Variants in ECSIT observed in about 807,000 individuals in gnomAD.
ECSIT encodes evolutionarily conserved signaling intermediate in Toll pathway, mitochondrial.
ECSIT carries 29 observed loss-of-function variants against 36.8 expected under a neutral mutation model. The observed-to-expected ratio is 0.79, with a 90% CI of 0.59 to 1.08. The LOEUF is 1.08. Ranked by LOEUF, ECSIT falls within the 50% of genes least tolerant of loss-of-function variation. ECSIT has a pLI of 0.00. For missense variants in ECSIT, 542 were observed against 581.0 expected, an observed-to-expected ratio of 0.93 and a Z score of 0.69; for synonymous variants, 231 against 234.8, an observed-to-expected ratio of 0.98 and a Z score of 0.15.
chr19:11,523,595 C>A, intron 1 of ECSIT: 1 of 964,848 alleles, frequency 1.0e-6, no homozygotes, highest in Non-Finnish European at 1.6e-6. Flanking sequence ...TGTGCTTGAT[C>A]CAACTGTGAT....
intron 7 of ECSIT, among the ~76,000 whole-genome samples, chr19:11,506,961 C>T (rs1036886434): frequency 2.0e-5 from 3 of 152,228 alleles, no homozygotes; most frequent in Non-Finnish European, 4.4e-5. Context: ...GGCCTCCTGA[C>T]CCCCCACTCA....
intron 7 of ECSIT, 49 bp from the exon 8 acceptor site, chr19:11,506,477 G>A (rs375761003): frequency 1.9e-6 from 3 of 1,567,746 alleles, no homozygotes; most frequent in East Asian, 2.3e-5. Context: ...GGGCTGCAGC[G>A]GCTAACCCAT....
In ECSIT at chr19:11,508,383, AT is replaced by A. The variant is rs34929827; in HGVS notation, c.739-336del. 3.5e-3 allele frequency among the ~76,000 whole-genome samples: 435 copies of A among 123,820 alleles called. 1 individual carries two copies. Among genetic ancestry groups the A allele is most frequent in the Middle Eastern group, 4.0e-3 (1 of 248 alleles). 81.2% of individuals were successfully genotyped at this position (123,820 alleles called of 152,430 possible). ...GGGATGATAACAGCACTTAATTCCG[AT>A]TTTTTTTTTTTTTTTAGGGATGGGG... On this transcript the variant is annotated intron_variant, in intron 4 of 7. Transcript: ENST00000270517.
At chr19:11,528,278 G>T (rs542820691) in intron 1 of ECSIT, among the ~76,000 whole-genome samples, 1 of 152,242 alleles carries the variant, frequency 6.6e-6, no homozygotes, top group Admixed American at 6.5e-5. Context: ...CGGAGACAGG[G>T]TCCTGCTCTG....
At chr19:11,508,380 C>T (rs977225143) in intron 4 of ECSIT, among the ~76,000 whole-genome samples, 1 of 119,576 alleles carries the variant, frequency 8.4e-6, no homozygotes, top group Non-Finnish European at 1.6e-5. Flanking sequence ...GCACTTAATT[C>T]CGATTTTTTT....
At chr19:11,510,941 C>G (rs961834326) in intron 4 of ECSIT, among the ~76,000 whole-genome samples, 1 of 151,920 alleles carries the variant, frequency 6.6e-6, no homozygotes, top group African/African-American at 2.4e-5. Context: ...TCTCTGCCCC[C>G]CCACCCCCGG....
chr19:11,522,507 C>A, intron 1 of ECSIT: 1 of 1,024,770 alleles, frequency 9.8e-7, no homozygotes, highest in Non-Finnish European at 1.5e-6. Context: ...AGGGGTAGGG[C>A]CCTCACCCAG....
chr19:11,506,184 C>G lies in ECSIT; in HGVS notation c.1296G>C (p.Ter432TyrextTer17). The change falls in exon 8 of 8, where the codon TAG becomes TAC. Residue 432 changes from the stop codon to tyrosine, a stop_lost. Transcript: ENST00000270517. ...GCCCGTGCCCTCGCGCCGGCTCAGA[C>G]TAGCTCTGGCCCTGCTGCTGTCGCT... ...NLQRQQQGQS[*>Y] 2 of 1,604,608 alleles carry G rather than the reference C, an allele frequency of 1.2e-6. No individual in the cohort carries two copies. Among genetic ancestry groups the G allele is most frequent in the South Asian group, 1.1e-5 (1 of 91,070 alleles).
rs1324648095 is a variant in ECSIT at position 11,507,559 on chromosome 19, C to G, written c.949G>C (p.Val317Leu). ...ADLLPPEEREVEETPEEWNLY... is the reference protein window; with the variant it reads ...ADLLPPEERELEETPEEWNLY... ...TTCCACTCCTCCGGCGTCTCTTCCA[C>G]TTCCTACTCCAAGGTGGGGAGTGCA... Residue 317 changes from valine (V) to leucine (L), a missense_variant, in exon 7 of 8, where the codon GTG (valine) becomes CTG (leucine). Val to Leu is a conservative substitution (Grantham distance 32, BLOSUM62 1). Coordinates refer to ENST00000270517, the MANE Select transcript of ECSIT (RefSeq NM_016581.5). The G allele has an allele frequency of 6.2e-7, 1 of 1,614,000 alleles. No individual in the cohort carries two copies. Among genetic ancestry groups the G allele is most frequent in the Non-Finnish European group, 8.5e-7 (1 of 1,180,012 alleles).
rs1282111984 is a variant in ECSIT at position 11,519,662 on chromosome 19, A to T, written c.-23-469T>A. Among the ~76,000 whole-genome samples, 2 of 151,824 alleles carry T rather than the reference A, an allele frequency of 1.3e-5. No individual in the cohort carries two copies. The highest frequency in any genetic ancestry group is 2.9e-5 in the Non-Finnish European group (2 of 67,982). On this transcript the variant is annotated intron_variant, in intron 1 of 7. Transcript: ENST00000270517. The surrounding 1 kb of genome is among the most constrained non-coding windows in gnomAD (Gnocchi z 4.4). The stretch of plus-strand genomic sequence containing the variant: ...AATCTAATTTTACAAAATCTGTGTC[A>T]CTCCAACAAGAATCCCTGTACCTGG...
chr19:11,527,897 G>A (rs918837849), intron 1 of ECSIT, among the ~76,000 whole-genome samples: 1 of 152,156 alleles, frequency 6.6e-6, no homozygotes, highest in Non-Finnish European at 1.5e-5. Context: ...GGAAAGCTGA[G>A]GCAGGAGAAT....
At chr19:11,506,464 T>G (rs1971741242) in intron 7 of ECSIT, 36 bp from the exon 8 acceptor site, 2 of 1,577,436 alleles carry the variant, frequency 1.3e-6, no homozygotes, top group South Asian at 2.2e-5. Flanking sequence ...GTTTGCACAG[T>G]GGGGGCTGCA....
rs148015845 is a variant in ECSIT at position 11,517,538 on chromosome 19, A to G, written c.96+1537T>C. On this transcript the variant is annotated intron_variant, in intron 2 of 7. Coordinates refer to ENST00000270517, the MANE Select transcript of ECSIT (RefSeq NM_016581.5). Reference sequence around the variant, plus strand: ...TTGAACCCGGGAGGCAGAGGTTGCAATGAGCTGAGATCACGCCACTGCACT... The same window carrying G: ...TTGAACCCGGGAGGCAGAGGTTGCAGTGAGCTGAGATCACGCCACTGCACT... 3.2e-3 allele frequency among the ~76,000 whole-genome samples: 484 copies of G among 151,582 alleles called. 9 individuals carry two copies. In the East Asian group the frequency reaches 0.039, roughly 12 times the overall value.
intron 4 of ECSIT, among the ~76,000 whole-genome samples, chr19:11,511,438 G>A (rs1052060573): frequency 2.0e-5 from 3 of 152,128 alleles, no homozygotes; most frequent in Non-Finnish European, 4.4e-5. Context: ...ATCCTGATTA[G>A]GAACAGTGGA....
In ECSIT at chr19:11,506,361, C is replaced by T; in HGVS notation, c.1119G>A (p.Trp373Ter). The change falls in exon 8 of 8, where the codon TGG (tryptophan) becomes TGA (stop). Residue 373 changes from tryptophan (W) to a stop codon, truncating the protein, a stop_gained. Coordinates refer to ENST00000270517, the MANE Select transcript of ECSIT (RefSeq NM_016581.5). LOFTEE classifies it low-confidence loss of function (END_TRUNC). ...GGTTGGTCTCCTGCAGGCCCTGGATCCACTTAGCCATCGTCGCCTGGTCAT... is the reference window on the plus strand; with the variant it reads ...GGTTGGTCTCCTGCAGGCCCTGGATTCACTTAGCCATCGTCGCCTGGTCAT... ...GAHDQATMAKWIQGLQETNPT... is the reference protein window; with the variant it reads ...GAHDQATMAK 1 of 1,613,664 alleles carries T rather than the reference C, an allele frequency of 6.2e-7. No individual in the cohort carries two copies. The highest frequency in any genetic ancestry group is 8.5e-7 in the Non-Finnish European group (1 of 1,179,900).
chr19:11,516,822 A>T (rs1275531336), intron 2 of ECSIT, among the ~76,000 whole-genome samples: 1 of 151,964 alleles, frequency 6.6e-6, no homozygotes, highest in Non-Finnish European at 1.5e-5. Flanking sequence ...GTTTGAGACC[A>T]GCCTGGGCAA....
intron 1 of ECSIT, among the ~76,000 whole-genome samples, chr19:11,525,285 G>A (rs941551160): frequency 1.3e-5 from 2 of 152,154 alleles, no homozygotes; most frequent in African/African-American, 4.8e-5. Flanking sequence ...ATGGTGGGAG[G>A]ACTGGTTGAG....
chr19:11,524,966 G>A (rs889956360), intron 1 of ECSIT, among the ~76,000 whole-genome samples: 5 of 151,792 alleles, frequency 3.3e-5, no homozygotes, highest in African/African-American at 1.2e-4. Context: ...GTGAAACCCC[G>A]TCTCTACTAA....
rs1326307373 is a variant in ECSIT at position 11,506,361 on chromosome 19, C to A, written c.1119G>T (p.Trp373Cys). 2 of 1,613,664 alleles carry A rather than the reference C, an allele frequency of 1.2e-6. No individual in the cohort carries two copies. Among genetic ancestry groups the A allele is most frequent in the South Asian group, 1.1e-5 (1 of 91,084 alleles). Residue 373 changes from tryptophan (W) to cysteine (C), a missense_variant, in exon 8 of 8, where the codon TGG becomes TGT. Trp to Cys is a radical substitution (Grantham distance 215). Coordinates refer to ENST00000270517, the MANE Select transcript of ECSIT (RefSeq NM_016581.5). ...GGTTGGTCTCCTGCAGGCCCTGGATCCACTTAGCCATCGTCGCCTGGTCAT... is the reference window on the plus strand; with the variant it reads ...GGTTGGTCTCCTGCAGGCCCTGGATACACTTAGCCATCGTCGCCTGGTCAT... ...GAHDQATMAKWIQGLQETNPT... is the reference protein window; with the variant it reads ...GAHDQATMAKCIQGLQETNPT...
Sources: gnomAD v4.1 joint callset for allele counts (sites outside exome capture counted in the v4.1 genomes callset) on GRCh38, gnomAD v4.1.1 for gene constraint, Gnocchi (gnomAD v3.1) non-coding constraint, MANE v1.5 for transcripts, NCBI Gene and HGNC (gene_info 2026-07-23, HGNC 2026-07-21) for gene names.